The following ATP13A4 variants were observed in gnomAD, a reference collection of about 807,000 sequenced individuals.
The protein encoded by ATP13A4 is ATPase 13A4, also known as probable cation-transporting ATPase 13A4.
In ATP13A4, 114 loss-of-function variants were observed where a neutral mutation model predicts 142.5. The observed-to-expected ratio is 0.80, with a 90% confidence interval of 0.69 to 0.93. The LOEUF is 0.93. Ranked by LOEUF, ATP13A4 falls within the 40% of genes least tolerant of loss-of-function variation. The pLI is 0.00. For missense variants in ATP13A4, 1,392 were observed against 1,454.0 expected (o/e 0.96, Z 0.69); for synonymous variants, 488 against 514.8 (o/e 0.95, Z 0.70).
chr3:193,513,132 A>T (rs1217575256), intron 2 of ATP13A4, among the ~76,000 whole-genome samples: 1 of 152,222 alleles, frequency 6.6e-6, no homozygotes, highest in African/African-American at 2.4e-5. Context: ...ACATAGAACA[A>T]GTATTTCTTG....
chr3:193,434,480 A>T (rs1442584796), intron 24 of ATP13A4, among the ~76,000 whole-genome samples: 1 of 152,164 alleles, frequency 6.6e-6, no homozygotes, highest in Non-Finnish European at 1.5e-5. Context: ...CCCACCCCTT[A>T]GTGGAAAGGA....
At chr3:193,464,886 A>G in intron 12 of ATP13A4, 54 bp downstream of exon 12, 1 of 1,576,154 alleles carries the variant, frequency 6.3e-7, no homozygotes, top group Non-Finnish European at 8.7e-7. Flanking sequence ...GTAGATATAC[A>G]TGATGACAGC....
At chr3:193,492,349 A>G (rs896864799) in intron 5 of ATP13A4, among the ~76,000 whole-genome samples, 1 of 152,156 alleles carries the variant, frequency 6.6e-6, no homozygotes, top group African/African-American at 2.4e-5. Flanking sequence ...AGGAAAAGGT[A>G]TTTGTTCAAA....
intron 13 of ATP13A4, among the ~76,000 whole-genome samples, chr3:193,460,048 G>A (rs2108638316): frequency 6.6e-6 from 1 of 152,286 alleles, no homozygotes; most frequent in African/African-American, 2.4e-5. Context: ...CGTTTGAACG[G>A]TGGAAGCTTC....
intron 3 of ATP13A4, among the ~76,000 whole-genome samples, chr3:193,496,887 C>G (rs1720268024): frequency 6.6e-6 from 1 of 151,708 alleles, no homozygotes; most frequent in Non-Finnish European, 1.5e-5. Context: ...TAAGCTAGAC[C>G]CCTGTATCTT....
chr3:193,550,199 C>T (rs1040594947), intron 1 of ATP13A4, among the ~76,000 whole-genome samples: 1 of 152,102 alleles, frequency 6.6e-6, no homozygotes. Flanking sequence ...TGTGTAATAC[C>T]ACTACCTAGT....
chr3:193,440,154 T>C (rs1490957370), intron 21 of ATP13A4: 1 of 184,648 alleles, frequency 5.4e-6, no homozygotes, highest in Non-Finnish European at 1.1e-5. Flanking sequence ...TCTTGTCATA[T>C]GAATATCCCT....
At chr3:193,442,348 C>A (rs373915627) in intron 19 of ATP13A4, 45 bp downstream of exon 19, 2 of 1,587,822 alleles carry the variant, frequency 1.3e-6, no homozygotes, top group Middle Eastern at 1.7e-4. Flanking sequence ...ACCAACACTG[C>A]AAGACACATT....
chr3:193,543,348 A>G (rs373020637), intron 1 of ATP13A4, among the ~76,000 whole-genome samples: 31 of 152,316 alleles, frequency 2.0e-4, no homozygotes, highest in African/African-American at 7.5e-4. Context: ...GTGAACAGAC[A>G]ATTTACAGAC....
chr3:193,548,089 A>C (rs560288319), intron 1 of ATP13A4, among the ~76,000 whole-genome samples: 2 of 152,348 alleles, frequency 1.3e-5, no homozygotes, highest in South Asian at 4.1e-4. Flanking sequence ...AACTCTGAAG[A>C]ATAAGCTTTT....
chr3:193,451,740 C>T (rs1717292158), intron 17 of ATP13A4, among the ~76,000 whole-genome samples: 1 of 152,102 alleles, frequency 6.6e-6, no homozygotes, highest in South Asian at 2.1e-4. Context: ...ATGAAGTGGG[C>T]CAATAACCTT....
intron 1 of ATP13A4, among the ~76,000 whole-genome samples, chr3:193,529,306 C>A (rs557705910): frequency 6.6e-6 from 1 of 151,544 alleles, no homozygotes. Context: ...TATTCTACTT[C>A]CTAAACTAGA....
chr3:193,459,354 T>C lies in ATP13A4; in HGVS notation c.1524-123A>G, dbSNP rs376799179. 6.7e-5 allele frequency: 80 copies of C among 1,194,200 alleles called. No individual in the cohort carries two copies. The East Asian group carries it at 1.2e-3, about 19-fold the overall frequency. 74.0% of individuals were successfully genotyped at this position (1,194,200 alleles called of 1,614,324 possible). A position where few individuals can be genotyped will look rare whatever the true frequency, so the allele number is the denominator to read the frequency against. ...TATGCTTTGTTGCATTAATAGCCACTCTCCAATCCTCCCACATTAATAGTG... is the reference window on the plus strand; with the variant it reads ...TATGCTTTGTTGCATTAATAGCCACCCTCCAATCCTCCCACATTAATAGTG... On this transcript the variant is annotated intron_variant, in intron 13 of 29. Coordinates refer to ENST00000342695, the MANE Select transcript of ATP13A4 (RefSeq NM_032279.4).
At chr3:193,562,892 T>A (rs985414998) in intron 2 of ATP13A4, among the ~76,000 whole-genome samples, 11 of 151,770 alleles carry the variant, frequency 7.2e-5, no homozygotes, top group Non-Finnish European at 1.3e-4. Context: ...CAATAAAAAT[T>A]AAAAAATCAT....
intron 7 of ATP13A4, 32 bp from the exon 8 acceptor site, chr3:193,484,037 T>C (rs1372528450): frequency 1.3e-6 from 2 of 1,541,248 alleles, no homozygotes; most frequent in Non-Finnish European, 1.8e-6. Flanking sequence ...AAAAGTCTTA[T>C]CTATTTGAGC....
chr3:193,408,561 G>A (rs1714616399), intron 28 of ATP13A4, among the ~76,000 whole-genome samples: 1 of 152,178 alleles, frequency 6.6e-6, no homozygotes, highest in Non-Finnish European at 1.5e-5. Flanking sequence ...TTCTGCTGCT[G>A]GGAGGATAAA....
At chr3:193,571,857 AAAT>A (rs1162350043) in intron 2 of ATP13A4, among the ~76,000 whole-genome samples, 1 of 152,100 alleles carries the variant, frequency 6.6e-6, no homozygotes, top group Non-Finnish European at 1.5e-5. Context: ...CTGTGAAATA[AAAT>A]AATAATAATA....
chr3:193,414,774 T>A (rs757864975), intron 25 of ATP13A4, 24 bp from the exon 26 acceptor site: 1 of 1,610,200 alleles, frequency 6.2e-7, no homozygotes, highest in South Asian at 1.1e-5. Context: ...TCGAATTTTA[T>A]ATTTATGAGA....
chr3:193,427,865 C>T (rs528091265), intron 25 of ATP13A4, among the ~76,000 whole-genome samples: 86 of 151,984 alleles, frequency 5.7e-4, no homozygotes, highest in African/African-American at 1.7e-3. Context: ...AATACCATTC[C>T]GGACATAGGC....
Sources: gnomAD v4.1 joint callset for allele counts (sites outside exome capture counted in the v4.1 genomes callset) on GRCh38, gnomAD v4.1.1 for gene constraint, MANE v1.5 for transcripts, NCBI Gene and HGNC (gene_info 2026-07-23, HGNC 2026-07-21) for gene names.